The following LARP4B variants were observed in gnomAD, a reference collection of about 807,000 sequenced individuals.
LARP4B encodes La ribonucleoprotein 4B.
Under a neutral mutation model 89.8 loss-of-function variants are expected in LARP4B, and 12 were observed. That is an observed-to-expected ratio of 0.13 (90% CI 0.09 to 0.22). The LOEUF is 0.22. Ranked by LOEUF, LARP4B falls within the 10% of genes least tolerant of loss-of-function variation. The pLI, the probability that LARP4B is intolerant of heterozygous loss-of-function variation, is 1.00. For missense variants in LARP4B, 757 were observed against 947.7 expected, an observed-to-expected ratio of 0.80 and a Z score of 2.64; for synonymous variants, 367 against 363.3, an observed-to-expected ratio of 1.01 and a Z score of -0.12.
chr10:954,493 G>A, the LARP4B span, among the ~76,000 whole-genome samples: 81 of 152,268 alleles, frequency 5.3e-4, no homozygotes, highest in East Asian at 1.9e-3. The surrounding 1 kb of genome is among the most constrained non-coding windows in gnomAD (Gnocchi z 5.0). Context: ...CATTCAGACC[G>A]GTGGCTCAGA....
chr10:820,861 G>T lies in LARP4B; in HGVS notation c.1485-16C>A, dbSNP rs1832316545. On this transcript the variant is annotated splice_polypyrimidine_tract_variant and intron_variant, in intron 13 of 17. Transcript: ENST00000316157. Reference sequence around the variant, plus strand: ...GGAATTCTTCCTAGAGGAGTGGAAAGTGAAAGACTGTTATTTTTTTCCCAC... The same window carrying T: ...GGAATTCTTCCTAGAGGAGTGGAAATTGAAAGACTGTTATTTTTTTCCCAC... The T allele has an allele frequency of 6.2e-7, 1 of 1,610,436 alleles. No homozygotes were observed. Among genetic ancestry groups the T allele is most frequent in the South Asian group, 1.1e-5 (1 of 90,076 alleles).
chr10:884,013 G>A (rs1835777264), intron 3 of LARP4B, among the ~76,000 whole-genome samples: 4 of 152,148 alleles, frequency 2.6e-5, no homozygotes, highest in Admixed American at 2.6e-4. Context: ...AAAAACCAAT[G>A]AATTCTACTT....
At chr10:967,832 C>G in the LARP4B span, among the ~76,000 whole-genome samples, 1 of 152,226 alleles carries the variant, frequency 6.6e-6, no homozygotes, top group Admixed American at 6.5e-5. Flanking sequence ...TTCCAAGTAG[C>G]TGGGATTACA....
At chr10:816,103 C>T (rs752907142) in intron 15 of LARP4B, among the ~76,000 whole-genome samples, 1 of 152,160 alleles carries the variant, frequency 6.6e-6, no homozygotes, top group Non-Finnish European at 1.5e-5. Context: ...GTGGTGCATG[C>T]CTGTAGTCCC....
chr10:815,976 C>T (rs1832030463), intron 15 of LARP4B, among the ~76,000 whole-genome samples: 1 of 152,216 alleles, frequency 6.6e-6, no homozygotes, highest in Non-Finnish European at 1.5e-5. Flanking sequence ...CGCCTATAAT[C>T]CCCGCATTTT....
At chr10:874,522 T>C (rs914087040) in intron 3 of LARP4B, among the ~76,000 whole-genome samples, 9 of 152,248 alleles carry the variant, frequency 5.9e-5, no homozygotes, top group African/African-American at 1.7e-4. Context: ...ATGTACTATG[T>C]GGTCCAGTCC....
chr10:840,830 C>T (rs1833487500), intron 7 of LARP4B, among the ~76,000 whole-genome samples: 1 of 152,146 alleles, frequency 6.6e-6, no homozygotes, highest in African/African-American at 2.4e-5. Context: ...GTCTGAGTCT[C>T]TGCTAGGTAA....
chr10:808,808 G>A (rs1165528498), downstream of LARP4B: 2 of 151,784 alleles, frequency 1.3e-5, no homozygotes, highest in African/African-American at 4.8e-5. Flanking sequence ...TGACCCTGGA[G>A]TAGGGAAAGG....
intron 14 of LARP4B, chr10:818,476 A>G (rs1024590585): frequency 6.6e-6 from 1 of 152,256 alleles, no homozygotes; most frequent in Non-Finnish European, 1.5e-5. Context: ...ATTTTTAAAT[A>G]ATTAAAAACA....
At chr10:862,279 A>AAAAAAAAAAAC (rs749904539) in intron 5 of LARP4B, among the ~76,000 whole-genome samples, 3 of 140,408 alleles carry the variant, frequency 2.1e-5, no homozygotes, top group Non-Finnish European at 4.7e-5. Context: ...AAAAAAAAAA[A>AAAAAAAAAAAC]AACAACCGTC....
chr10:831,568 G>T (rs900587632), intron 8 of LARP4B, among the ~76,000 whole-genome samples: 12 of 152,204 alleles, frequency 7.9e-5, no homozygotes, highest in African/African-American at 2.7e-4. Context: ...ACCGCCTGAG[G>T]GATGAGAGGG....
At chr10:975,719 G>C in the LARP4B span, among the ~76,000 whole-genome samples, 2 of 151,858 alleles carry the variant, frequency 1.3e-5, no homozygotes, top group Admixed American at 6.6e-5. Flanking sequence ...TGTGCAGCCC[G>C]GCCTAGTAGA....
At chr10:864,780 C>T (rs183278088) in intron 3 of LARP4B, among the ~76,000 whole-genome samples, 32 of 152,198 alleles carry the variant, frequency 2.1e-4, no homozygotes, top group African/African-American at 7.5e-4. Flanking sequence ...ATGGAGAAAC[C>T]TTGTCTCTAC....
chr10:930,743 G>C (rs1323141864), intron 1 of LARP4B, among the ~76,000 whole-genome samples: 2 of 152,180 alleles, frequency 1.3e-5, no homozygotes, highest in Non-Finnish European at 2.9e-5. Flanking sequence ...CTCTGCTCAA[G>C]TCTATCAACA....
At chr10:909,082 CAGG>C (rs1443158909) in intron 1 of LARP4B, among the ~76,000 whole-genome samples, 1 of 151,994 alleles carries the variant, frequency 6.6e-6, no homozygotes, top group Admixed American at 6.6e-5. Context: ...ATCACAAGGT[CAGG>C]AGATCAAGAT....
chr10:889,007 C>G (rs535990765), intron 1 of LARP4B, among the ~76,000 whole-genome samples: 29 of 152,200 alleles, frequency 1.9e-4, no homozygotes, highest in Non-Finnish European at 3.4e-4. Flanking sequence ...ACCACCTGAG[C>G]CCAGGAGGTG....
chr10:809,647 A>G lies in LARP4B; in HGVS notation c.*3279T>C, dbSNP rs1055800698. ...GAAACTTAAATTACCAATAGTTTAC[A>G]TGTAAGCTTGATTCCAGTCTTAATG... On this transcript the variant is annotated 3_prime_UTR_variant, in exon 18 of 18. Coordinates refer to ENST00000316157, the MANE Select transcript of LARP4B (RefSeq NM_015155.3). The G allele has an allele frequency of 6.6e-6, 1 of 152,656 alleles. No homozygotes were observed. Among genetic ancestry groups the G allele is most frequent in the Non-Finnish European group, 1.5e-5 (1 of 68,032 alleles). The allele number at this position is 152,656 out of a possible 1,614,324, so 9.5% of individuals were successfully genotyped here.
the LARP4B span, among the ~76,000 whole-genome samples, chr10:938,284 T>C: frequency 1.3e-5 from 2 of 149,074 alleles, no homozygotes; most frequent in Non-Finnish European, 3.0e-5. Flanking sequence ...GGAGTCTCGC[T>C]CTGTCACCCA....
intron 1 of LARP4B, among the ~76,000 whole-genome samples, chr10:906,538 T>C (rs141898012): frequency 4.1e-4 from 63 of 152,230 alleles, no homozygotes; most frequent in African/African-American, 1.4e-3. Flanking sequence ...TTGATCCTGG[T>C]GACAGGCCAC....
Sources: gnomAD v4.1 joint callset for allele counts (sites outside exome capture counted in the v4.1 genomes callset) on GRCh38, gnomAD v4.1.1 for gene constraint, Gnocchi (gnomAD v3.1) non-coding constraint, MANE v1.5 for transcripts, NCBI Gene and HGNC (gene_info 2026-07-23, HGNC 2026-07-21) for gene names.